The following GNG12 variants were observed in gnomAD, a reference collection of about 807,000 sequenced individuals.
The protein encoded by GNG12 is G protein subunit gamma 12.
For synonymous variants in GNG12, 28 were observed against 29.7 expected (o/e 0.94, Z 0.19); for missense variants, 69 against 83.8 (o/e 0.82, Z 0.69).
chr1:67,754,702 T>C (rs917993625), intron 2 of GNG12, among the ~76,000 whole-genome samples: 1 of 152,208 alleles, frequency 6.6e-6, no homozygotes, highest in Non-Finnish European at 1.5e-5. Flanking sequence ...GCAGTGCTGA[T>C]GCAGGAAGCC....
At chr1:67,734,811 T>A (rs1646442705) in intron 2 of GNG12, among the ~76,000 whole-genome samples, 2 of 152,150 alleles carry the variant, frequency 1.3e-5, no homozygotes, top group African/African-American at 4.8e-5. Context: ...CTTAGACTAG[T>A]ATGGTGTTTC....
chr1:67,799,013 TTTC>T (rs1646848682), intron 1 of GNG12, among the ~76,000 whole-genome samples: 1 of 152,158 alleles, frequency 6.6e-6, no homozygotes, highest in Non-Finnish European at 1.5e-5. Context: ...TCCTCATGCT[TTTC>T]TTAATACGTT....
At chr1:67,747,301 G>T (rs552303611) in intron 2 of GNG12, among the ~76,000 whole-genome samples, 1 of 152,196 alleles carries the variant, frequency 6.6e-6, no homozygotes, top group South Asian at 2.1e-4. Flanking sequence ...TATATTTTTA[G>T]TGGAGATGGG....
At chr1:67,738,656 C>A (rs1646465517) in intron 2 of GNG12, among the ~76,000 whole-genome samples, 2 of 152,174 alleles carry the variant, frequency 1.3e-5, no homozygotes, top group South Asian at 4.1e-4. Flanking sequence ...GCGGGAGGAT[C>A]ACTTGAGACC....
chr1:67,796,608 C>G (rs959107485), intron 1 of GNG12, among the ~76,000 whole-genome samples: 1 of 152,118 alleles, frequency 6.6e-6, no homozygotes, highest in South Asian at 2.1e-4. Context: ...TTGGGTTATG[C>G]TTTAGTTCAT....
intron 2 of GNG12, among the ~76,000 whole-genome samples, chr1:67,765,344 C>A (rs1646629858): frequency 6.6e-6 from 1 of 152,064 alleles, no homozygotes; most frequent in African/African-American, 2.4e-5. Flanking sequence ...CTAATATAAA[C>A]ACTATGATTG....
intron 1 of GNG12, among the ~76,000 whole-genome samples, chr1:67,824,879 C>T (rs1243582119): frequency 2.6e-5 from 4 of 152,054 alleles, no homozygotes; most frequent in Non-Finnish European, 5.9e-5. Flanking sequence ...GTTATATTAC[C>T]TGCTGGATGT....
chr1:67,733,793 T>C (rs1414927399), intron 2 of GNG12, among the ~76,000 whole-genome samples: 1 of 152,148 alleles, frequency 6.6e-6, no homozygotes, highest in Admixed American at 6.5e-5. Flanking sequence ...CAACCAAATG[T>C]TATCTGCCTG....
intron 2 of GNG12, among the ~76,000 whole-genome samples, chr1:67,757,948 G>A (rs1646579496): frequency 6.6e-6 from 1 of 152,142 alleles, no homozygotes; most frequent in African/African-American, 2.4e-5. Flanking sequence ...GTCTGAAAAG[G>A]AGGTTTTAGT....
intron 1 of GNG12, among the ~76,000 whole-genome samples, chr1:67,818,728 A>C (rs1020973924): frequency 6.6e-6 from 1 of 152,174 alleles, no homozygotes; most frequent in Non-Finnish European, 1.5e-5. Flanking sequence ...AGAGAGATCA[A>C]GAATAATGTT....
intron 2 of GNG12, among the ~76,000 whole-genome samples, chr1:67,756,026 A>G (rs1246893445): frequency 6.6e-6 from 1 of 152,180 alleles, no homozygotes; most frequent in Non-Finnish European, 1.5e-5. Context: ...CTGAATGCCC[A>G]TCTTACTTGT....
intron 1 of GNG12, among the ~76,000 whole-genome samples, chr1:67,818,604 G>C (rs1646967851): frequency 6.6e-6 from 1 of 152,056 alleles, no homozygotes; most frequent in South Asian, 2.1e-4. Context: ...TCTAGCTGCA[G>C]ATTGCTAACA....
intron 1 of GNG12, 24 bp downstream of exon 1, chr1:67,833,320 C>T (rs1647063833): frequency 1.1e-6 from 1 of 940,924 alleles, no homozygotes; most frequent in South Asian, 4.7e-5. Context: ...GACTCACCAC[C>T]CGCGCCCGCC....
intron 2 of GNG12, chr1:67,777,132 C>T (rs1437392449): frequency 6.6e-6 from 1 of 152,248 alleles, no homozygotes; most frequent in Middle Eastern, 3.4e-3. Context: ...TGTCTGAATT[C>T]CCTGGCTGAA....
chr1:67,796,972 C>A (rs554811740), intron 1 of GNG12, among the ~76,000 whole-genome samples: 1 of 152,242 alleles, frequency 6.6e-6, no homozygotes, highest in African/African-American at 2.4e-5. Flanking sequence ...TTCTTTTAAA[C>A]AATCAGCTCT....
chr1:67,826,009 AC>A, intron 1 of GNG12, among the ~76,000 whole-genome samples: 1 of 152,354 alleles, frequency 6.6e-6, no homozygotes, highest in African/African-American at 2.4e-5. Flanking sequence ...AATCAGTATT[AC>A]TTTTTTACAT....
chr1:67,822,069 A>AT (rs1646987972), intron 1 of GNG12, among the ~76,000 whole-genome samples: 1 of 151,764 alleles, frequency 6.6e-6, no homozygotes, highest in South Asian at 2.1e-4. Flanking sequence ...ATGAGCTGAA[A>AT]AAAAAAATCG....
intron 1 of GNG12, among the ~76,000 whole-genome samples, chr1:67,809,812 C>T (rs1422901670): frequency 6.6e-6 from 1 of 152,124 alleles, no homozygotes; most frequent in Non-Finnish European, 1.5e-5. Flanking sequence ...CAGAAACTCT[C>T]ATTCACTGTG....
chr1:67,820,296 G>T (rs552620898), intron 1 of GNG12, among the ~76,000 whole-genome samples: 1 of 151,906 alleles, frequency 6.6e-6, no homozygotes, highest in African/African-American at 2.4e-5. Flanking sequence ...GGCTGAGACA[G>T]GAGAATTGCT....
Sources: allele counts gnomAD v4.1 joint callset (sites outside exome capture counted in the v4.1 genomes callset), GRCh38; gene constraint gnomAD v4.1.1; transcripts MANE v1.5; gene names NCBI Gene and HGNC (gene_info 2026-07-23, HGNC 2026-07-21).